AKAP12: variants seen among roughly 807,000 people sequenced by gnomAD.
The protein encoded by AKAP12 is A-kinase anchoring protein 12.
AKAP12 carries 32 observed loss-of-function variants against 79.9 expected under a neutral mutation model. The ratio of observed to expected loss-of-function variants is 0.40; its 90% CI spans 0.30 to 0.54. The LOEUF (loss-of-function observed/expected upper bound fraction) is 0.54, where lower values mean the gene tolerates loss of function less well. AKAP12 is among the 20% of genes least tolerant of loss of function. The probability of loss-of-function intolerance (pLI) is 0.48; values close to 1 mark genes in which losing one functional copy is unlikely to be tolerated. For synonymous variants in AKAP12, 808 were observed against 857.0 expected, an observed-to-expected ratio of 0.94 and a Z score of 1.00; for missense variants, 2,074 against 2,177.0, an observed-to-expected ratio of 0.95 and a Z score of 0.94.
At chr6:151,335,315 G>GAAAACAAGCA (rs1249299915) in intron 3 of AKAP12, among the ~76,000 whole-genome samples, 2 of 152,114 alleles carry the variant, frequency 1.3e-5, no homozygotes, top group Non-Finnish European at 2.9e-5. Context: ...CTATTCTGAA[G>GAAAACAAGCA]AAAACAAGCA....
intron 2 of AKAP12, among the ~76,000 whole-genome samples, chr6:151,253,906 A>C (rs6557125): frequency 0.64 from 96,766 of 151,266 alleles, 31,239 homozygotes; most frequent in East Asian, 0.84. Context: ...ACGGGGTTTT[A>C]CCATGTTGGC....
Position 151,268,963 on chromosome 6 carries a change from T to G in AKAP12, c.162+28239T>G, listed in dbSNP as rs938853705. 2.8e-4 allele frequency among the ~76,000 whole-genome samples: 36 copies of G among 129,418 alleles called. 1 individual carries two copies. The highest frequency in any genetic ancestry group is 1.3e-3 in the Admixed American group (17 of 13,398). 84.9% of individuals were successfully genotyped at this position (129,418 alleles called of 152,430 possible). ...TCGGCCTGTTTTTTTTTTTTTTTTT[T>G]TTTTTTTTTTTTTTTTAATCAACAT... On this transcript the variant is annotated intron_variant, in intron 2 of 4. Coordinates refer to ENST00000402676, the MANE Select transcript of AKAP12 (RefSeq NM_005100.4).
intron 3 of AKAP12, among the ~76,000 whole-genome samples, chr6:151,321,490 CTA>C (rs1191380437): frequency 1.3e-5 from 2 of 150,724 alleles, no homozygotes; most frequent in Non-Finnish European, 3.0e-5. Flanking sequence ...CAATATTCAT[CTA>C]TGTTATGGCA....
Position 151,353,758 on chromosome 6 carries a change from CT to C in AKAP12, c.*12+8del, listed in dbSNP as rs1482850789. 4 of 1,508,894 alleles carry C rather than the reference CT, an allele frequency of 2.7e-6. No homozygotes were observed. The allele number at this position is 1,508,894 out of a possible 1,614,324, so 93.5% of individuals were successfully genotyped here. On this transcript the variant is annotated splice_region_variant and intron_variant, in intron 4 of 4. Transcript: ENST00000402676. ...AATCTTAAAACATCATGCAGGTAAG[CT>C]TCCTTGTCTTCTAAGATAATTTTTC...
At chr6:151,335,768 C>T (rs912181414) in intron 3 of AKAP12, among the ~76,000 whole-genome samples, 1 of 152,144 alleles carries the variant, frequency 6.6e-6, no homozygotes, top group Non-Finnish European at 1.5e-5. Flanking sequence ...AGCCACTGCA[C>T]CTGGCCTTAT....
intron 3 of AKAP12, among the ~76,000 whole-genome samples, chr6:151,309,193 A>G (rs1171882027): frequency 6.6e-6 from 1 of 152,108 alleles, no homozygotes; most frequent in Non-Finnish European, 1.5e-5. Context: ...ATTAGGCTTT[A>G]TGGTTGCTTC....
intron 2 of AKAP12, among the ~76,000 whole-genome samples, chr6:151,293,200 G>T (rs917242659): frequency 1.3e-5 from 2 of 152,190 alleles, no homozygotes; most frequent in African/African-American, 2.4e-5. Context: ...ACCAAATGAG[G>T]ATTCTTTTGA....
chr6:151,272,821 C>T (rs770988860), intron 2 of AKAP12, among the ~76,000 whole-genome samples: 2 of 152,264 alleles, frequency 1.3e-5, no homozygotes, highest in African/African-American at 2.4e-5. Flanking sequence ...TGTAAGGCAC[C>T]GCACCCAACC....
chr6:151,348,573 A>C, intron 3 of AKAP12, 138 bp from the exon 4 acceptor site: 1 of 654,478 alleles, frequency 1.5e-6, no homozygotes, highest in Non-Finnish European at 2.6e-6. Flanking sequence ...TGGGAGGTTG[A>C]GGCTGCAGTG....
intron 2 of AKAP12, among the ~76,000 whole-genome samples, chr6:151,301,452 G>A (rs547468191): frequency 4.3e-4 from 65 of 152,270 alleles, no homozygotes; most frequent in African/African-American, 1.5e-3. Flanking sequence ...TCTATTTGAG[G>A]TGACTTTAAC....
chr6:151,256,940 C>T (rs957052156), intron 2 of AKAP12, among the ~76,000 whole-genome samples: 18 of 99,926 alleles, frequency 1.8e-4, no homozygotes, highest in African/African-American at 8.4e-4. Flanking sequence ...TGAGCCACCG[C>T]GCCCGGCCTA....
intron 3 of AKAP12, among the ~76,000 whole-genome samples, chr6:151,340,996 G>T (rs1396387610): frequency 6.6e-6 from 1 of 152,028 alleles, no homozygotes; most frequent in African/African-American, 2.4e-5. Flanking sequence ...TGGTTAAAGT[G>T]GTGCCTGCCA....
At chr6:151,288,471 C>T (rs1036457813) in intron 2 of AKAP12, among the ~76,000 whole-genome samples, 4 of 152,068 alleles carry the variant, frequency 2.6e-5, no homozygotes, top group Non-Finnish European at 2.9e-5. Context: ...GAGATCGCGC[C>T]GCTGTACTCC....
chr6:151,245,775 GAACTT>G (rs1226492549), intron 2 of AKAP12, among the ~76,000 whole-genome samples: 3 of 151,532 alleles, frequency 2.0e-5, no homozygotes, highest in African/African-American at 7.3e-5. Context: ...TAATGATTGA[GAACTT>G]AAATTTATAA....
chr6:151,293,876 C>A (rs1159849702), intron 2 of AKAP12, among the ~76,000 whole-genome samples: 1 of 152,144 alleles, frequency 6.6e-6, no homozygotes, highest in Non-Finnish European at 1.5e-5. Context: ...TAGATCATAT[C>A]ATGGATCCAG....
At chr6:151,323,304 G>A (rs917288470) in intron 3 of AKAP12, among the ~76,000 whole-genome samples, 4 of 152,126 alleles carry the variant, frequency 2.6e-5, no homozygotes, top group East Asian at 1.9e-4. Context: ...TAGTCCCAGC[G>A]CTTTGGGAGG....
Position 151,350,860 on chromosome 6 carries a change from A to G in AKAP12, c.2469A>G (p.Gln823=). Reference sequence around the variant, plus strand: ...GGAAGAAAAGGCCAGATGGGAAACAAGAACAAGCCCCTGTTGAAGACGCAG... The same window carrying G: ...GGAAGAAAAGGCCAGATGGGAAACAGGAACAAGCCCCTGTTGAAGACGCAG... ...GRRKKRPDGK[Q]EQAPVEDAGP... is the part of the protein sequence containing the mutation. Residue 823 remains glutamine, a synonymous_variant, in exon 4 of 5, where the codon CAA becomes CAG. Transcript: ENST00000402676. The surrounding 1 kb of genome is among the most constrained non-coding windows in gnomAD (Gnocchi z 4.8). The G allele has an allele frequency of 1.2e-6, 2 of 1,614,164 alleles. No individual in the cohort carries two copies. The highest frequency in any genetic ancestry group is 2.7e-5 in the African/African-American group (2 of 75,038).
At chr6:151,262,768 A>G (rs1797463164) in intron 2 of AKAP12, among the ~76,000 whole-genome samples, 1 of 152,150 alleles carries the variant, frequency 6.6e-6, no homozygotes, top group Non-Finnish European at 1.5e-5. Flanking sequence ...TGTAATTTTT[A>G]TCACAAAATA....
intron 2 of AKAP12, among the ~76,000 whole-genome samples, chr6:151,256,606 ATG>A (rs1282742320): frequency 4.6e-5 from 7 of 151,706 alleles, no homozygotes; most frequent in African/African-American, 9.7e-5. Flanking sequence ...TTTTTTATAT[ATG>A]TGTGTGTGTG....
Sources: allele counts gnomAD v4.1 joint callset (sites outside exome capture counted in the v4.1 genomes callset), GRCh38; gene constraint gnomAD v4.1.1; non-coding constraint Gnocchi (gnomAD v3.1); transcripts MANE v1.5; gene names NCBI Gene and HGNC (gene_info 2026-07-23, HGNC 2026-07-21).